The following OPCML variants were observed in gnomAD, a reference collection of about 807,000 sequenced individuals.
OPCML encodes opioid binding protein/cell adhesion molecule like, also known as opioid-binding protein/cell adhesion molecule.
A neutral mutation model predicts 37.8 loss-of-function variants in OPCML; 13 were observed. The observed-to-expected ratio is 0.34, with a 90% CI of 0.22 to 0.55. The LOEUF (loss-of-function observed/expected upper bound fraction) is 0.55, where lower values mean the gene tolerates loss of function less well. Among genes scored for constraint, OPCML ranks in the 20% least tolerant of loss-of-function variants. The pLI is 0.91. For synonymous variants in OPCML, 176 were observed against 168.8 expected, an observed-to-expected ratio of 1.04 and a Z score of -0.33; for missense variants, 341 against 435.6, an observed-to-expected ratio of 0.78 and a Z score of 1.93.
Position 132,657,192 on chromosome 11 carries a change from T to C in OPCML, c.274A>G (p.Ser92Gly), listed in dbSNP as rs754969169. The change falls in exon 3 of 8, where the codon AGC (serine) becomes GGC (glycine). Residue 92 changes from serine (S) to glycine (G), a missense_variant. Transcript: ENST00000524381. ...ACATCCACATTTTGGATCATGATGCTGTACTGGGTTGGTGTATTGACCAGG... is the reference window on the plus strand; with the variant it reads ...ACATCCACATTTTGGATCATGATGCCGTACTGGGTTGGTGTATTGACCAGG... ...IILVNTPTQY[S>G]IMIQNVDVYD... 4.3e-6 allele frequency: 7 copies of C among 1,614,248 alleles called. No homozygotes were observed. Among genetic ancestry groups the C allele is most frequent in the Non-Finnish European group, 5.1e-6 (6 of 1,180,050 alleles).
Position 132,479,780 on chromosome 11 carries a change from G to T in OPCML, c.506-42421C>A, listed in dbSNP as rs1015884233. 1.8e-4 allele frequency among the ~76,000 whole-genome samples: 27 copies of T among 152,154 alleles called. No individual in the cohort carries two copies. The East Asian group carries it at 2.5e-3, about 14-fold the overall frequency. On this transcript the variant is annotated intron_variant, in intron 4 of 7. Coordinates refer to ENST00000524381, the MANE Select transcript of OPCML (RefSeq NM_001012393.5). ...GCAGGGGCAGACTGACACCTCACAG[G>T]GCCGGGTACTCCAACAGACCTGCAG...
intron 1 of OPCML, among the ~76,000 whole-genome samples, chr11:133,331,877 A>G (rs1481722242): frequency 4.6e-5 from 7 of 152,214 alleles, no homozygotes; most frequent in Middle Eastern, 3.4e-3. Flanking sequence ...TTCCATTAAA[A>G]AAATTTCTTT....
intron 2 of OPCML, among the ~76,000 whole-genome samples, chr11:132,885,549 TG>T (rs1417821037): frequency 6.6e-6 from 1 of 152,226 alleles, no homozygotes; most frequent in South Asian, 2.1e-4. Context: ...TAATATTTTG[TG>T]AATGACACCT....
intron 1 of OPCML, among the ~76,000 whole-genome samples, chr11:133,497,635 T>C (rs1036887802): frequency 6.6e-6 from 1 of 152,092 alleles, no homozygotes; most frequent in Non-Finnish European, 1.5e-5. Flanking sequence ...TGGGCCCTCA[T>C]GCCTCTGGCT....
At chr11:132,745,563 C>CAAAAAAAAAAA (rs10562857) in intron 2 of OPCML, among the ~76,000 whole-genome samples, 4 of 102,978 alleles carry the variant, frequency 3.9e-5, no homozygotes, top group African/African-American at 7.2e-5. Context: ...TGCTGTCTTG[C>CAAAAAAAAAAA]AAAAAAAAAA....
chr11:132,469,092 T>C (rs1335282851), intron 4 of OPCML, among the ~76,000 whole-genome samples: 1 of 152,260 alleles, frequency 6.6e-6, no homozygotes, highest in Non-Finnish European at 1.5e-5. Context: ...TAGACAAATG[T>C]GTTGAACACC....
chr11:132,552,785 C>T (rs750066500), intron 3 of OPCML, among the ~76,000 whole-genome samples: 2 of 41,680 alleles, frequency 4.8e-5, no homozygotes, highest in Admixed American at 2.2e-4. Context: ...TTTTTGAGAC[C>T]GAGTGGAGTC....
At chr11:133,229,664 A>C (rs1024691760) in intron 1 of OPCML, among the ~76,000 whole-genome samples, 1 of 152,202 alleles carries the variant, frequency 6.6e-6, no homozygotes, top group African/African-American at 2.4e-5. Flanking sequence ...CTGTAAAGAA[A>C]AAAAAGATGT....
intron 2 of OPCML, among the ~76,000 whole-genome samples, chr11:132,808,224 A>G (rs1025833000): frequency 6.6e-6 from 1 of 152,226 alleles, no homozygotes; most frequent in Non-Finnish European, 1.5e-5. Flanking sequence ...ATTACAAGGC[A>G]ATGTAATAAA....
chr11:133,523,260 G>A (rs888786330), intron 1 of OPCML, among the ~76,000 whole-genome samples: 2 of 151,940 alleles, frequency 1.3e-5, no homozygotes, highest in African/African-American at 4.8e-5. Flanking sequence ...CCTTGTTCCA[G>A]GACAAGATCA....
intron 1 of OPCML, among the ~76,000 whole-genome samples, chr11:133,400,481 A>G (rs1945378701): frequency 6.6e-6 from 1 of 152,166 alleles, no homozygotes; most frequent in African/African-American, 2.4e-5. Context: ...ATGCTCTTCT[A>G]AGAGCTTTCC....
At chr11:133,134,800 C>T (rs1330370253) in intron 1 of OPCML, among the ~76,000 whole-genome samples, 2 of 152,074 alleles carry the variant, frequency 1.3e-5, no homozygotes, top group African/African-American at 2.4e-5. Context: ...GCCAGGAGGG[C>T]GCAGAGAGCT....
At chr11:132,805,535 A>G (rs1398927194) in intron 2 of OPCML, among the ~76,000 whole-genome samples, 1 of 152,214 alleles carries the variant, frequency 6.6e-6, no homozygotes, top group Non-Finnish European at 1.5e-5. Flanking sequence ...AAATAAAAAG[A>G]GCACATTGAA....
At chr11:132,454,891 G>A (rs2096077711) in intron 4 of OPCML, among the ~76,000 whole-genome samples, 1 of 152,112 alleles carries the variant, frequency 6.6e-6, no homozygotes, top group South Asian at 2.1e-4. Flanking sequence ...TTTTTCAGTA[G>A]GGTTTAATAA....
intron 3 of OPCML, among the ~76,000 whole-genome samples, chr11:132,643,006 G>C (rs1001974765): frequency 6.6e-6 from 1 of 152,164 alleles, no homozygotes; most frequent in Non-Finnish European, 1.5e-5. Flanking sequence ...TCTCAGTGGT[G>C]GTGTGGAAAG....
rs186023221 is a variant in OPCML, at chr11:132,792,495, C to T, written c.147-135176G>A. Among the ~76,000 whole-genome samples, 214 of 152,330 alleles carry T rather than the reference C, an allele frequency of 1.4e-3. 2 individuals are homozygous for T. The highest frequency in any genetic ancestry group is 2.5e-3 in the Non-Finnish European group (169 of 68,022). On this transcript the variant is annotated intron_variant, in intron 2 of 7. Coordinates refer to ENST00000524381, the MANE Select transcript of OPCML (RefSeq NM_001012393.5). ...CCCCATCCTGGCTCCAAGGAGTCCGCTCTCCCCACCCCCATTTCCATGAAA... is the reference window on the plus strand; with the variant it reads ...CCCCATCCTGGCTCCAAGGAGTCCGTTCTCCCCACCCCCATTTCCATGAAA...
At chr11:133,515,212 G>A (rs1948239941) in intron 1 of OPCML, among the ~76,000 whole-genome samples, 1 of 152,130 alleles carries the variant, frequency 6.6e-6, no homozygotes, top group Non-Finnish European at 1.5e-5. Context: ...AGAAGAGAAG[G>A]CCATCTTCCA....
intron 1 of OPCML, among the ~76,000 whole-genome samples, chr11:133,152,498 C>T (rs1202017318): frequency 2.0e-5 from 3 of 152,072 alleles, no homozygotes; most frequent in African/African-American, 7.2e-5. Context: ...TCTTTCATAC[C>T]TCTTGCAATG....
At chr11:133,260,593 C>T (rs1174836225) in intron 1 of OPCML, among the ~76,000 whole-genome samples, 2 of 152,084 alleles carry the variant, frequency 1.3e-5, no homozygotes, top group African/African-American at 2.4e-5. Context: ...TGCAGTGGAA[C>T]AGCAGGACCT....
Sources: gnomAD v4.1 joint callset for allele counts (sites outside exome capture counted in the v4.1 genomes callset) on GRCh38, gnomAD v4.1.1 for gene constraint, MANE v1.5 for transcripts, NCBI Gene and HGNC (gene_info 2026-07-23, HGNC 2026-07-21) for gene names.